The following CPVL variants were observed in gnomAD, a reference collection of about 807,000 sequenced individuals.
The protein encoded by CPVL is probable serine carboxypeptidase CPVL.
In CPVL, 51 loss-of-function variants were observed where a neutral mutation model predicts 63.7. The ratio of observed to expected loss-of-function variants is 0.80; its 90% CI spans 0.64 to 1.01. The LOEUF (loss-of-function observed/expected upper bound fraction) is 1.01, where lower values mean the gene tolerates loss of function less well. CPVL is among the 50% of genes least tolerant of loss of function. The pLI, the probability that CPVL is intolerant of heterozygous loss-of-function variation, is 0.00. For synonymous variants in CPVL, 195 were observed against 206.0 expected, an observed-to-expected ratio of 0.95 and a Z score of 0.46; for missense variants, 530 against 573.1, an observed-to-expected ratio of 0.92 and a Z score of 0.77.
intron 1 of CPVL, chr7:29,126,281 T>C (rs1460697705): frequency 6.6e-6 from 1 of 152,226 alleles, no homozygotes; most frequent in Non-Finnish European, 1.5e-5. Flanking sequence ...GGAGTATTTA[T>C]ACCACAGTAA....
chr7:29,014,491 C>G (rs911329888), intron 12 of CPVL, among the ~76,000 whole-genome samples: 4 of 151,970 alleles, frequency 2.6e-5, no homozygotes, highest in Admixed American at 2.6e-4. Flanking sequence ...ACCACCACAC[C>G]TGGTTAATTC....
chr7:29,127,149 A>G lies in CPVL; in HGVS notation c.-10-6078T>C, dbSNP rs1790114845. 2.6e-5 allele frequency among the ~76,000 whole-genome samples: 4 copies of G among 152,188 alleles called. No individual in the cohort carries two copies. The South Asian group carries it at 6.2e-4, about 24-fold the overall frequency. ...AAAATCAGGAAGAGGAGAAAATAAT[A>G]TAATCTGACACCACAGTCTAGAGCT... On this transcript the variant is annotated intron_variant, in intron 1 of 12. Coordinates refer to ENST00000265394, the MANE Select transcript of CPVL (RefSeq NM_031311.5).
chr7:29,167,813 T>C (rs964239490), intron 5 of CPVL, among the ~76,000 whole-genome samples: 1 of 152,226 alleles, frequency 6.6e-6, no homozygotes, highest in Non-Finnish European at 1.5e-5. Flanking sequence ...CCTAAATCCT[T>C]GTTATGAGTG....
chr7:29,028,475 C>A (rs974254063), intron 12 of CPVL, among the ~76,000 whole-genome samples: 2 of 152,042 alleles, frequency 1.3e-5, no homozygotes, highest in African/African-American at 2.4e-5. Flanking sequence ...GGTGATAAAA[C>A]CATAAACAGA....
intron 4 of CPVL, among the ~76,000 whole-genome samples, chr7:29,183,975 T>C (rs1241519758): frequency 6.6e-6 from 1 of 152,116 alleles, no homozygotes; most frequent in Non-Finnish European, 1.5e-5. Flanking sequence ...GTATTGTAAG[T>C]AATCTAGACA....
upstream of CPVL, chr7:29,146,581 C>T (rs1222062107): frequency 3.2e-6 from 5 of 1,549,072 alleles, no homozygotes. Flanking sequence ...CCTCTAGGCT[C>T]ACATGACCCA....
chr7:29,125,426 T>C (rs1185330355), intron 1 of CPVL, among the ~76,000 whole-genome samples: 1 of 130,504 alleles, frequency 7.7e-6, no homozygotes, highest in Non-Finnish European at 1.5e-5. Flanking sequence ...AGAGTCTCGC[T>C]CTGTCACCCA....
chr7:29,076,439 GA>G (rs1232253392), intron 7 of CPVL, among the ~76,000 whole-genome samples: 1 of 152,154 alleles, frequency 6.6e-6, no homozygotes, highest in Non-Finnish European at 1.5e-5. Flanking sequence ...ATTTTAAAAA[GA>G]AAGAGGAAAA....
At chr7:29,067,040 G>T (rs1043968261) in intron 9 of CPVL, among the ~76,000 whole-genome samples, 2 of 152,198 alleles carry the variant, frequency 1.3e-5, no homozygotes, top group African/African-American at 2.4e-5. Context: ...TCAATGGATT[G>T]AAAGGTAGTG....
At chr7:29,060,841 C>T (rs1214966682) in intron 11 of CPVL, among the ~76,000 whole-genome samples, 1 of 152,124 alleles carries the variant, frequency 6.6e-6, no homozygotes, top group East Asian at 1.9e-4. Flanking sequence ...CAAATTAGTA[C>T]CGAGTCTTAC....
chr7:29,083,710 C>T (rs922108359), intron 7 of CPVL, among the ~76,000 whole-genome samples: 9 of 152,158 alleles, frequency 5.9e-5, no homozygotes, highest in East Asian at 1.9e-4. Context: ...CCACACCTGA[C>T]GTTAAATCAA....
At chr7:29,192,977 A>C (rs540471207) in intron 1 of CPVL, 39 of 152,362 alleles carry the variant, frequency 2.6e-4, no homozygotes, top group African/African-American at 9.4e-4. Context: ...TCAACAAGCC[A>C]AGTGTGTGAT....
At chr7:29,187,347 G>C (rs1467430459) in intron 1 of CPVL, among the ~76,000 whole-genome samples, 1 of 148,066 alleles carries the variant, frequency 6.8e-6, no homozygotes, top group Non-Finnish European at 1.5e-5. Context: ...TTGTGTGTCT[G>C]TGTGTGTGTG....
chr7:29,194,636 A>C, intron 1 of CPVL: 1 of 302,320 alleles, frequency 3.3e-6, no homozygotes, highest in East Asian at 5.6e-5. Context: ...GCTCGGCGGG[A>C]GCCGAGATCC....
chr7:29,108,709 T>C (rs1787967536), intron 3 of CPVL, among the ~76,000 whole-genome samples: 1 of 152,212 alleles, frequency 6.6e-6, no homozygotes, highest in Non-Finnish European at 1.5e-5. Context: ...ATCTCTTCTG[T>C]CTCAAAACCA....
At chr7:29,129,905 C>T (rs1009047171) in intron 1 of CPVL, among the ~76,000 whole-genome samples, 11 of 152,018 alleles carry the variant, frequency 7.2e-5, no homozygotes, top group Admixed American at 3.9e-4. Context: ...TGCCATGTGA[C>T]GAAGAGGCAG....
chr7:29,135,392 C>T (rs537483863), intron 1 of CPVL, among the ~76,000 whole-genome samples: 108 of 150,772 alleles, frequency 7.2e-4, no homozygotes, highest in African/African-American at 2.4e-3. Context: ...AGTGCAGTGG[C>T]GCGATCTTGG....
chr7:29,060,004 T>C (rs911709695), intron 11 of CPVL, among the ~76,000 whole-genome samples: 1 of 152,238 alleles, frequency 6.6e-6, no homozygotes, highest in African/African-American at 2.4e-5. Flanking sequence ...GTTGTTACAA[T>C]GGAGTGGAGA....
intron 2 of CPVL, among the ~76,000 whole-genome samples, chr7:29,113,530 G>A (rs1331116200): frequency 6.6e-6 from 1 of 152,186 alleles, no homozygotes; most frequent in Non-Finnish European, 1.5e-5. Flanking sequence ...GGGATGCTTA[G>A]ACAGCCAAGG....
Sources: allele counts gnomAD v4.1 joint callset (sites outside exome capture counted in the v4.1 genomes callset), GRCh38; gene constraint gnomAD v4.1.1; transcripts MANE v1.5; gene names NCBI Gene and HGNC (gene_info 2026-07-23, HGNC 2026-07-21).